Variants in TIMP2 observed in about 807,000 individuals in gnomAD.
The protein encoded by TIMP2 is metalloproteinase inhibitor 2.
Under a neutral mutation model 24.3 loss-of-function variants are expected in TIMP2, and 5 were observed. The ratio of observed to expected loss-of-function variants is 0.21; its 90% CI spans 0.11 to 0.43. TIMP2 has a LOEUF of 0.43. TIMP2 is among the 20% of genes least tolerant of loss of function. The pLI is 1.00. For synonymous variants in TIMP2, 130 were observed against 123.2 expected, an observed-to-expected ratio of 1.06 and a Z score of -0.37; for missense variants, 221 against 297.5, an observed-to-expected ratio of 0.74 and a Z score of 1.89.
At chr17:78,889,061 T>C (rs1042133820) in intron 1 of TIMP2, among the ~76,000 whole-genome samples, 12 of 152,212 alleles carry the variant, frequency 7.9e-5, no homozygotes, top group African/African-American at 2.4e-4. Context: ...TAGAGTCTCA[T>C]TGGAACCTGG....
At position 78,855,574 on chromosome 17, in the gene TIMP2, C is replaced by A; in HGVS notation, c.*93G>T. 1 of 1,383,120 alleles carries A rather than the reference C, an allele frequency of 7.2e-7. No individual in the cohort carries two copies. 85.7% of individuals were successfully genotyped at this position (1,383,120 alleles called of 1,614,324 possible). A position where few individuals can be genotyped will look rare whatever the true frequency, so the allele number is the denominator to read the frequency against. On this transcript the variant is annotated 3_prime_UTR_variant, in exon 5 of 5. Coordinates refer to ENST00000262768, the MANE Select transcript of TIMP2 (RefSeq NM_003255.5). The surrounding 1 kb of genome is among the most constrained non-coding windows in gnomAD (Gnocchi z 6.0). Reference sequence around the variant, plus strand: ...GGACCCATGGGATGAGTGTTTTATTCATGCTGTTTCCAGGAAGGGATGTCA... The same window carrying A: ...GGACCCATGGGATGAGTGTTTTATTAATGCTGTTTCCAGGAAGGGATGTCA...
chr17:78,863,962 G>A (rs189126477), intron 3 of TIMP2, among the ~76,000 whole-genome samples: 10 of 152,272 alleles, frequency 6.6e-5, no homozygotes, highest in Non-Finnish European at 1.2e-4. Context: ...ACTTGGCCAA[G>A]GACATTAACG....
intron 1 of TIMP2, among the ~76,000 whole-genome samples, chr17:78,893,282 CGG>C (rs2069938400): frequency 1.5e-5 from 1 of 64,670 alleles, no homozygotes; most frequent in African/African-American, 7.4e-5. Flanking sequence ...TAGGGGTGTG[CGG>C]GCAAGGGTGT....
intron 1 of TIMP2, among the ~76,000 whole-genome samples, chr17:78,903,894 G>A (rs1301317344): frequency 6.6e-6 from 1 of 152,030 alleles, no homozygotes; most frequent in Non-Finnish European, 1.5e-5. Flanking sequence ...TAAGGTCTGT[G>A]GTAAAGTGAT....
chr17:78,881,055 G>A (rs1290916249), intron 1 of TIMP2, among the ~76,000 whole-genome samples: 2 of 152,264 alleles, frequency 1.3e-5, no homozygotes, highest in Admixed American at 1.3e-4. Flanking sequence ...CAGACGAGGT[G>A]CAGGGATCCC....
Position 78,891,077 on chromosome 17 carries a change from T to A in TIMP2, c.131-17158A>T. The A allele has an allele frequency of 6.4e-7, 1 of 1,550,984 alleles. No individual in the cohort carries two copies. Among genetic ancestry groups the A allele is most frequent in the Non-Finnish European group, 8.7e-7 (1 of 1,147,040 alleles). On this transcript the variant is annotated intron_variant, in intron 1 of 4. Transcript: ENST00000262768. The surrounding 1 kb of genome is among the most constrained non-coding windows in gnomAD (Gnocchi z 4.5). ...GGAGCCCTCTGCCAGCGTGCCCAGT[T>A]TGGGGGTCTCTTGTCCAGATTCAGT...
At chr17:78,866,036 G>A (rs1263703846) in intron 3 of TIMP2, among the ~76,000 whole-genome samples, 1 of 152,212 alleles carries the variant, frequency 6.6e-6, no homozygotes, top group Non-Finnish European at 1.5e-5. Context: ...CTGGAAGTAA[G>A]TTCCCTGCAC....
At chr17:78,914,352 G>A (rs1425727765) in intron 1 of TIMP2, among the ~76,000 whole-genome samples, 2 of 151,440 alleles carry the variant, frequency 1.3e-5, no homozygotes, top group South Asian at 4.2e-4. Flanking sequence ...GCCCGATCTC[G>A]GCTCACTGCA....
At position 78,904,663 on chromosome 17, in the gene TIMP2, A is replaced by AG. The variant is rs575215061; in HGVS notation, c.130+20295dup. 1.5e-3 allele frequency: 231 copies of AG among 152,360 alleles called. 3 individuals are homozygous for AG. The highest frequency in any genetic ancestry group is 5.3e-3 in the African/African-American group (222 of 41,592). The allele number at this position is 152,360 out of a possible 1,614,324, so 9.4% of individuals were successfully genotyped here. A position where few individuals can be genotyped will look rare whatever the true frequency, so the allele number is the denominator to read the frequency against. On this transcript the variant is annotated intron_variant, in intron 1 of 4. Transcript: ENST00000262768. ...CATTTTATGTCAGCTTGACGGGCTAAGGGATGCTCAGATAGCTGGGAAAAC... is the reference window on the plus strand; with the variant it reads ...CATTTTATGTCAGCTTGACGGGCTAAGGGGATGCTCAGATAGCTGGGAAAAC...
Position 78,924,278 on chromosome 17 carries a change from T to C in TIMP2, c.130+681A>G, listed in dbSNP as rs1034518198. On this transcript the variant is annotated intron_variant, in intron 1 of 4. Coordinates refer to ENST00000262768, the MANE Select transcript of TIMP2 (RefSeq NM_003255.5). This position sits in a 1 kb window ranked among gnomAD's most constrained non-coding sequence, Gnocchi z 5.3. ...TCCGGTCACCAAAGTCTCCAGCTTT[T>C]GTGGACGTCCCGAAAAAGCGGAACA... 6.6e-6 allele frequency among the ~76,000 whole-genome samples: 1 copy of C among 152,206 alleles called. No individual in the cohort carries two copies. Among genetic ancestry groups the C allele is most frequent in the African/African-American group, 2.4e-5 (1 of 41,446 alleles).
chr17:78,897,102 C>A (rs75711045), intron 1 of TIMP2: 1 of 566,894 alleles, frequency 1.8e-6, no homozygotes, highest in South Asian at 7.6e-5. Context: ...AGCACCCCCC[C>A]GCCCCCCGCC....
At position 78,855,575 on chromosome 17, in the gene TIMP2, A is replaced by C; in HGVS notation, c.*92T>G. ...GACCCATGGGATGAGTGTTTTATTC[A>C]TGCTGTTTCCAGGAAGGGATGTCAG... is the stretch of plus-strand genomic sequence containing the variant. On this transcript the variant is annotated 3_prime_UTR_variant, in exon 5 of 5. Coordinates refer to ENST00000262768, the MANE Select transcript of TIMP2 (RefSeq NM_003255.5). This position sits in a 1 kb window ranked among gnomAD's most constrained non-coding sequence, Gnocchi z 6.0. 2.2e-6 allele frequency: 3 copies of C among 1,393,318 alleles called. No individual in the cohort carries two copies. The highest frequency in any genetic ancestry group is 3.0e-6 in the Non-Finnish European group (3 of 1,015,802). 86.3% of individuals were successfully genotyped at this position (1,393,318 alleles called of 1,614,324 possible).
At chr17:78,867,176 G>A (rs1323817911) in intron 3 of TIMP2, among the ~76,000 whole-genome samples, 1 of 152,124 alleles carries the variant, frequency 6.6e-6, no homozygotes, top group Non-Finnish European at 1.5e-5. Context: ...CACGAGAATT[G>A]CCCAGGAGGC....
At chr17:78,892,188 G>A in intron 1 of TIMP2, 1 of 1,551,016 alleles carries the variant, frequency 6.4e-7, no homozygotes, top group Non-Finnish European at 8.7e-7. Flanking sequence ...CGCTGGAGCT[G>A]GTAGTTTTTC....
In TIMP2 at chr17:78,924,933, CG is replaced by C; in HGVS notation, c.130+25del. On this transcript the variant is annotated intron_variant, in intron 1 of 4. Coordinates refer to ENST00000262768, the MANE Select transcript of TIMP2 (RefSeq NM_003255.5). The surrounding 1 kb of genome is among the most constrained non-coding windows in gnomAD (Gnocchi z 5.3). ...GTCGCGGGGGAGGTGGGGCCCCGCG[CG>C]GGGGCTGGGGTCGCCGCTCCTTACC... The C allele has an allele frequency of 8.2e-7, 1 of 1,214,714 alleles. No homozygotes were observed. Among genetic ancestry groups the C allele is most frequent in the Non-Finnish European group, 1.0e-6 (1 of 968,064 alleles). 75.2% of individuals were successfully genotyped at this position (1,214,714 alleles called of 1,614,324 possible).
chr17:78,884,389 T>C (rs2069807355), intron 1 of TIMP2, among the ~76,000 whole-genome samples: 1 of 152,228 alleles, frequency 6.6e-6, no homozygotes, highest in African/African-American at 2.4e-5. Flanking sequence ...TGGCACTGAC[T>C]GTCTTTGAGC....
At chr17:78,861,768 A>C (rs1475073228) in intron 3 of TIMP2, among the ~76,000 whole-genome samples, 1 of 151,954 alleles carries the variant, frequency 6.6e-6, no homozygotes, top group Non-Finnish European at 1.5e-5. Flanking sequence ...CCCATGGCTA[A>C]TCTTTGTATT....
intron 1 of TIMP2, among the ~76,000 whole-genome samples, chr17:78,913,879 G>A (rs1332077571): frequency 1.3e-4 from 15 of 114,700 alleles, no homozygotes; most frequent in African/African-American, 5.0e-4. Flanking sequence ...GCCACGGAGC[G>A]AAACTCTGTC....
intron 1 of TIMP2, among the ~76,000 whole-genome samples, chr17:78,907,761 C>T (rs1045143133): frequency 6.6e-6 from 1 of 152,158 alleles, no homozygotes; most frequent in African/African-American, 2.4e-5. Flanking sequence ...AAAACAGGTG[C>T]ACCCATGGAA....
Sources: gnomAD v4.1 joint callset for allele counts (sites outside exome capture counted in the v4.1 genomes callset) on GRCh38, gnomAD v4.1.1 for gene constraint, Gnocchi (gnomAD v3.1) non-coding constraint, MANE v1.5 for transcripts, NCBI Gene and HGNC (gene_info 2026-07-23, HGNC 2026-07-21) for gene names.